Variants in GALNT8 observed in about 807,000 individuals in gnomAD.
GALNT8 encodes the protein polypeptide N-acetylgalactosaminyltransferase 8, also known as probable polypeptide N-acetylgalactosaminyltransferase 8.
In GALNT8, 66 loss-of-function variants were observed where a neutral mutation model predicts 62.7. The observed-to-expected ratio is 1.05, with a 90% CI of 0.86 to 1.29. The LOEUF (loss-of-function observed/expected upper bound fraction) is 1.29. GALNT8 is among the 50% of genes most tolerant of loss of function. The pLI is 0.00. For missense variants in GALNT8, 771 were observed against 791.8 expected (o/e 0.97, Z 0.32); for synonymous variants, 288 against 294.3 (o/e 0.98, Z 0.22).
At chr12:4,760,461 T>G (rs1281970060) in intron 6 of GALNT8, among the ~76,000 whole-genome samples, 1 of 152,178 alleles carries the variant, frequency 6.6e-6, no homozygotes, top group Non-Finnish European at 1.5e-5. Flanking sequence ...TGCCATATTC[T>G]GTTGGTTAGA....
At chr12:4,721,293 T>G (rs1946167125) in intron 1 of GALNT8, among the ~76,000 whole-genome samples, 1 of 152,018 alleles carries the variant, frequency 6.6e-6, no homozygotes, top group Non-Finnish European at 1.5e-5. Context: ...CGAGAGACTT[T>G]GGAAGAGAAA....
At chr12:4,724,088 G>T (rs1591562622) in intron 1 of GALNT8, among the ~76,000 whole-genome samples, 1 of 140,816 alleles carries the variant, frequency 7.1e-6, no homozygotes, top group Non-Finnish European at 1.5e-5. Flanking sequence ...GGTGGAGGTT[G>T]CAGTGAGCTG....
At chr12:4,759,871 T>G (rs188176065) in intron 6 of GALNT8, among the ~76,000 whole-genome samples, 9 of 152,284 alleles carry the variant, frequency 5.9e-5, no homozygotes, top group Admixed American at 5.9e-4. Context: ...GATTAAATAG[T>G]CCTATTAGCT....
rs567467941 is a variant in GALNT8 at position 4,772,351 on chromosome 12, A to G, written c.1762-94A>G. The G allele has an allele frequency of 1.2e-4, 130 of 1,122,334 alleles. 1 individual carries two copies. Among genetic ancestry groups the G allele is most frequent in the South Asian group, 8.7e-4 (62 of 71,130 alleles). The allele number at this position is 1,122,334 out of a possible 1,614,324, so 69.5% of individuals were successfully genotyped here. A position where few individuals can be genotyped will look rare whatever the true frequency, so the allele number is the denominator to read the frequency against. On this transcript the variant is annotated intron_variant, in intron 10 of 10. Coordinates refer to ENST00000252318, the MANE Select transcript of GALNT8 (RefSeq NM_017417.2). Reference sequence around the variant, plus strand: ...TGGAGCACTGAGGGGTCCCTCAAGAATGTGGCTGAGCACAGCAGGGAGAGC... The same window carrying G: ...TGGAGCACTGAGGGGTCCCTCAAGAGTGTGGCTGAGCACAGCAGGGAGAGC...
chr12:4,746,036 A>G (rs1165027438), intron 5 of GALNT8, 108 bp from the exon 6 acceptor site: 5 of 665,448 alleles, frequency 7.5e-6, no homozygotes, highest in Non-Finnish European at 1.4e-5. Context: ...CCTTCATGAT[A>G]AGAACAGACT....
chr12:4,724,305 G>T (rs920536569), intron 1 of GALNT8, among the ~76,000 whole-genome samples: 3 of 152,180 alleles, frequency 2.0e-5, no homozygotes, highest in Admixed American at 1.3e-4. Flanking sequence ...CTCCCTCAGG[G>T]TTCATAAAAG....
intron 10 of GALNT8, among the ~76,000 whole-genome samples, chr12:4,768,146 TA>T (rs1591576369): frequency 6.6e-6 from 1 of 152,312 alleles, no homozygotes; most frequent in East Asian, 1.9e-4. Flanking sequence ...ATAAAGTCAG[TA>T]AAATTTCACC....
In GALNT8 at chr12:4,749,325, T is replaced by C. The variant is rs1027254299; in HGVS notation, c.1173+3067T>C. 1.3e-5 allele frequency among the ~76,000 whole-genome samples: 2 copies of C among 152,066 alleles called. 1 individual carries two copies. Among genetic ancestry groups the C allele is most frequent in the Non-Finnish European group, 2.9e-5 (2 of 67,928 alleles). Reference sequence around the variant, plus strand: ...GCTTTCAGTTATGTTAAGGTATGTTTCTTCTATACTTAGTTTTTTGAGGGG... The same window carrying C: ...GCTTTCAGTTATGTTAAGGTATGTTCCTTCTATACTTAGTTTTTTGAGGGG... On this transcript the variant is annotated intron_variant, in intron 6 of 10. Coordinates refer to ENST00000252318, the MANE Select transcript of GALNT8 (RefSeq NM_017417.2). The surrounding 1 kb of genome is among the most constrained non-coding windows in gnomAD (Gnocchi z 4.1).
At chr12:4,766,790 G>A (rs554238565) in intron 10 of GALNT8, among the ~76,000 whole-genome samples, 1 of 152,022 alleles carries the variant, frequency 6.6e-6, no homozygotes, top group African/African-American at 2.4e-5. Flanking sequence ...GGTGCCACAC[G>A]GACAATCTAG....
intron 2 of GALNT8, among the ~76,000 whole-genome samples, chr12:4,729,431 G>T (rs765020729): frequency 1.3e-5 from 2 of 151,690 alleles, no homozygotes; most frequent in Non-Finnish European, 2.9e-5. Context: ...ACCCCTCTTC[G>T]CCCAGCCCCC....
At position 4,724,916 on chromosome 12, in the gene GALNT8, G is replaced by T. The variant is rs117114977; in HGVS notation, c.212-1616G>T. Among the ~76,000 whole-genome samples, 25 of 152,298 alleles carry T rather than the reference G, an allele frequency of 1.6e-4. No individual in the cohort carries two copies. The East Asian group carries it at 4.8e-3, about 29-fold the overall frequency. On this transcript the variant is annotated intron_variant, in intron 1 of 10. Coordinates refer to ENST00000252318, the MANE Select transcript of GALNT8 (RefSeq NM_017417.2). The stretch of plus-strand genomic sequence containing the variant: ...ACACACGTTCTGCTTGCCAAGCCAT[G>T]TGCTGTGGCACGAGATGCATCTACC...
At chr12:4,741,105 G>A (rs1946270252) in intron 3 of GALNT8, among the ~76,000 whole-genome samples, 1 of 152,186 alleles carries the variant, frequency 6.6e-6, no homozygotes, top group South Asian at 2.1e-4. Context: ...GCAGCTCATT[G>A]GAGGCAGAAT....
rs568722262 is a variant in GALNT8 at position 4,754,017 on chromosome 12, T to G, written c.1174-6941T>G. ...AGGCAGAGACCCTTGTTCTCTTCCC[T>G]TACGTCTCCCAAACAAATGGAGTCT... On this transcript the variant is annotated intron_variant, in intron 6 of 10. Coordinates refer to ENST00000252318, the MANE Select transcript of GALNT8 (RefSeq NM_017417.2). 2.1e-4 allele frequency among the ~76,000 whole-genome samples: 32 copies of G among 152,310 alleles called. No homozygotes were observed. In the South Asian group the frequency reaches 5.2e-3, roughly 25 times the overall value.
chr12:4,772,657 T>A lies in GALNT8; in HGVS notation c.*60T>A. Reference sequence around the variant, plus strand: ...TTGCAAGTGGAATGGCTTCTACTCCTAACACTCCCAGCTTCTTTCTCAATG... The same window carrying A: ...TTGCAAGTGGAATGGCTTCTACTCCAAACACTCCCAGCTTCTTTCTCAATG... On this transcript the variant is annotated 3_prime_UTR_variant, in exon 11 of 11. Coordinates refer to ENST00000252318, the MANE Select transcript of GALNT8 (RefSeq NM_017417.2). The A allele has an allele frequency of 7.8e-7, 1 of 1,276,330 alleles. No homozygotes were observed. The highest frequency in any genetic ancestry group is 1.1e-6 in the Non-Finnish European group (1 of 882,810). The allele number at this position is 1,276,330 out of a possible 1,614,324, so 79.1% of individuals were successfully genotyped here. A position where few individuals can be genotyped will look rare whatever the true frequency, so the allele number is the denominator to read the frequency against.
intron 6 of GALNT8, among the ~76,000 whole-genome samples, chr12:4,748,541 G>T (rs1244462460): frequency 6.6e-6 from 1 of 151,930 alleles, no homozygotes; most frequent in African/African-American, 2.4e-5. Flanking sequence ...AGGTGTGTGG[G>T]TTTGTTTCTG....
chr12:4,730,202 A>G (rs989151995), intron 2 of GALNT8, among the ~76,000 whole-genome samples: 2 of 151,900 alleles, frequency 1.3e-5, no homozygotes, highest in Admixed American at 6.6e-5. Flanking sequence ...TGCTGTGTAG[A>G]AGATTTTTAG....
Position 4,763,397 on chromosome 12 carries a change from A to G in GALNT8, c.1497+7A>G, listed in dbSNP as rs1946381857. 2 of 1,604,636 alleles carry G rather than the reference A, an allele frequency of 1.2e-6. No individual in the cohort carries two copies. The highest frequency in any genetic ancestry group is 1.7e-6 in the Non-Finnish European group (2 of 1,174,342). ...CATCGTGGGCTATGGAAGAGTATGTATTATGAAATTGCACTTTGGATTTTA... is the reference window on the plus strand; with the variant it reads ...CATCGTGGGCTATGGAAGAGTATGTGTTATGAAATTGCACTTTGGATTTTA... On this transcript the variant is annotated splice_region_variant and intron_variant, in intron 8 of 10. Transcript: ENST00000252318.
At chr12:4,770,167 T>C (rs1429426464) in intron 10 of GALNT8, among the ~76,000 whole-genome samples, 1 of 151,416 alleles carries the variant, frequency 6.6e-6, no homozygotes, top group Admixed American at 6.6e-5. Context: ...CTGGTTGTGG[T>C]GGTGGGCGCC....
Position 4,744,684 on chromosome 12 carries a change from G to A in GALNT8, c.844G>A (p.Glu282Lys). 6.2e-7 allele frequency: 1 copy of A among 1,611,546 alleles called. No homozygotes were observed. The highest frequency in any genetic ancestry group is 1.1e-5 in the South Asian group (1 of 90,718). Residue 282 changes from glutamate (E) to lysine (K), a missense_variant, in exon 4 of 11, where the codon GAA becomes AAA. Coordinates refer to ENST00000252318, the MANE Select transcript of GALNT8 (RefSeq NM_017417.2). The part of the protein sequence containing the change: ...DVVAILDAHI[E>K]VNVGWAEPIL... ...GGTCGCCATCTTGGATGCTCACATT[G>A]AAGTCAATGTTGGGTGGTAAGGCTC...
Sources: gnomAD v4.1 joint callset for allele counts (sites outside exome capture counted in the v4.1 genomes callset) on GRCh38, gnomAD v4.1.1 for gene constraint, Gnocchi (gnomAD v3.1) non-coding constraint, MANE v1.5 for transcripts, NCBI Gene and HGNC (gene_info 2026-07-23, HGNC 2026-07-21) for gene names.